ASB3: variants seen among roughly 807,000 people sequenced by gnomAD.
The protein encoded by ASB3 is ankyrin repeat and SOCS box containing 3.
Under a neutral mutation model 54.5 loss-of-function variants are expected in ASB3, and 41 were observed. The observed-to-expected ratio is 0.75, with a 90% CI of 0.59 to 0.98. The LOEUF is 0.98. Ranked by LOEUF, ASB3 falls within the 50% of genes least tolerant of loss-of-function variation. The pLI is 0.00. For missense variants in ASB3, 733 were observed against 620.0 expected, an observed-to-expected ratio of 1.18 and a Z score of -1.94; for synonymous variants, 266 against 221.2, an observed-to-expected ratio of 1.20 and a Z score of -1.80.
chr2:53,780,828 T>C (rs1449751070), intron 1 of ASB3, among the ~76,000 whole-genome samples: 3 of 151,950 alleles, frequency 2.0e-5, no homozygotes, highest in Non-Finnish European at 4.4e-5. Context: ...GAAAGGCAAA[T>C]TACCAATTCA....
chr2:53,721,549 G>A (rs760577991), intron 5 of ASB3, among the ~76,000 whole-genome samples: 6 of 152,014 alleles, frequency 3.9e-5, no homozygotes, highest in Non-Finnish European at 8.8e-5. Context: ...CCAGCCTGGC[G>A]ATAGAGTGAG....
rs12989782 is a variant in ASB3, at chr2:53,719,410, C to T, written c.605-2667G>A. ...AATCAAAAACTTCCTAAATCCAAAGCGCATCAGCCTAAATGGCTAAGATCA... is the reference window on the plus strand; with the variant it reads ...AATCAAAAACTTCCTAAATCCAAAGTGCATCAGCCTAAATGGCTAAGATCA... On this transcript the variant is annotated intron_variant, in intron 5 of 9. Transcript: ENST00000263634. 1.3e-4 allele frequency among the ~76,000 whole-genome samples: 20 copies of T among 152,164 alleles called. 1 individual carries two copies. Among genetic ancestry groups the T allele is most frequent in the East Asian group, 5.8e-4 (3 of 5,188 alleles).
At chr2:53,761,465 C>A in intron 2 of ASB3, among the ~76,000 whole-genome samples, 1 of 152,076 alleles carries the variant, frequency 6.6e-6, no homozygotes, top group East Asian at 1.9e-4. Context: ...CTCTCTTGAA[C>A]TAGGACATGC....
chr2:53,779,969 A>C (rs1674553545), intron 1 of ASB3, among the ~76,000 whole-genome samples: 2 of 152,232 alleles, frequency 1.3e-5, no homozygotes, highest in South Asian at 4.1e-4. Flanking sequence ...GATAAGGCTT[A>C]AAAGATTACA....
At chr2:53,749,585 C>G (rs1672408926) in intron 3 of ASB3, among the ~76,000 whole-genome samples, 1 of 152,016 alleles carries the variant, frequency 6.6e-6, no homozygotes. Context: ...TGTATCACAT[C>G]TATTTAATCA....
Position 53,716,663 on chromosome 2 carries a change from C to G in ASB3, c.685G>C (p.Glu229Gln), listed in dbSNP as rs781510978. 3 of 1,614,128 alleles carry G rather than the reference C, an allele frequency of 1.9e-6. No homozygotes were observed. In the Admixed American group the frequency reaches 5.0e-5, roughly 27 times the overall value. The change falls in exon 6 of 10, where the codon GAG becomes CAG. Residue 229 changes from glutamate (E) to glutamine (Q), a missense_variant. Coordinates refer to ENST00000263634, the MANE Select transcript of ASB3 (RefSeq NM_016115.5). ...AAQEGHTKCV[E>Q]LLLSSGADPD... Reference sequence around the variant, plus strand: ...TCTGCCCCACTGGAGAGCAAAAGCTCCACACATTTTGTGTGTCCCTCTTGA... The same window carrying G: ...TCTGCCCCACTGGAGAGCAAAAGCTGCACACATTTTGTGTGTCCCTCTTGA...
intron 1 of ASB3, among the ~76,000 whole-genome samples, chr2:53,766,047 G>C (rs1223347204): frequency 6.6e-6 from 1 of 152,060 alleles, no homozygotes; most frequent in Non-Finnish European, 1.5e-5. Flanking sequence ...CCCTCTATAG[G>C]AAACAACTAA....
At chr2:53,678,964 C>T (rs1668225900) in intron 9 of ASB3, among the ~76,000 whole-genome samples, 1 of 152,088 alleles carries the variant, frequency 6.6e-6, no homozygotes, top group Admixed American at 6.5e-5. Context: ...TCTATTCTTC[C>T]AGAGTTTGCT....
At chr2:53,780,149 G>A (rs539593513) in intron 1 of ASB3, among the ~76,000 whole-genome samples, 95 of 152,262 alleles carry the variant, frequency 6.2e-4, no homozygotes, top group African/African-American at 2.0e-3. Flanking sequence ...ACTGAGGTCA[G>A]TAATCAAAAT....
At chr2:53,687,464 G>C (rs1056971443) in intron 9 of ASB3, among the ~76,000 whole-genome samples, 2 of 152,210 alleles carry the variant, frequency 1.3e-5, no homozygotes, top group Admixed American at 1.3e-4. Context: ...TACTGATTGA[G>C]ATCTTAGTAA....
chr2:53,686,259 T>G (rs1017741098), intron 9 of ASB3, among the ~76,000 whole-genome samples: 4 of 152,164 alleles, frequency 2.6e-5, no homozygotes, highest in African/African-American at 9.7e-5. Flanking sequence ...GGTTCTAAAT[T>G]CTGTAATTCA....
At chr2:53,737,648 G>C (rs1260249437) in intron 3 of ASB3, among the ~76,000 whole-genome samples, 2 of 151,420 alleles carry the variant, frequency 1.3e-5, no homozygotes, top group South Asian at 2.1e-4. Context: ...ATCAATCCTG[G>C]GTACTTGTGA....
At chr2:53,753,786 C>T (rs1672664217) in intron 2 of ASB3, among the ~76,000 whole-genome samples, 1 of 151,756 alleles carries the variant, frequency 6.6e-6, no homozygotes, top group Non-Finnish European at 1.5e-5. Context: ...ATAGGCGCAC[C>T]ACCACACCTG....
intron 1 of ASB3, among the ~76,000 whole-genome samples, chr2:53,781,429 G>C (rs1165841041): frequency 6.7e-6 from 1 of 150,146 alleles, no homozygotes; most frequent in African/African-American, 2.4e-5. Flanking sequence ...AAAAAAAAAA[G>C]TGAGAGATGG....
Position 53,772,529 on chromosome 2 carries a change from C to T in ASB3, c.-13-6944G>A, listed in dbSNP as rs114678604. Among the ~76,000 whole-genome samples the T allele has an allele frequency of 4.4e-3, 671 of 152,082 alleles. 7 individuals are homozygous for T. Among genetic ancestry groups the T allele is most frequent in the African/African-American group, 0.016 (643 of 41,466 alleles). On this transcript the variant is annotated intron_variant, in intron 1 of 9. Coordinates refer to ENST00000263634, the MANE Select transcript of ASB3 (RefSeq NM_016115.5). ...CTAAGAATTTTGTGGTCCCCTTTGA[C>T]ATTAACGGAAATACCTGCCCCCGAC...
intron 9 of ASB3, among the ~76,000 whole-genome samples, chr2:53,687,049 C>T (rs564196283): frequency 6.6e-6 from 1 of 152,278 alleles, no homozygotes; most frequent in African/African-American, 2.4e-5. Context: ...TACCAACAGA[C>T]ATGCTGATAA....
At chr2:53,763,899 T>C (rs1437772045) in intron 2 of ASB3, among the ~76,000 whole-genome samples, 1 of 152,212 alleles carries the variant, frequency 6.6e-6, no homozygotes, top group African/African-American at 2.4e-5. Flanking sequence ...TCCACTATCT[T>C]CAAACACTCA....
chr2:53,681,318 C>T (rs963505413), intron 9 of ASB3, among the ~76,000 whole-genome samples: 1 of 152,140 alleles, frequency 6.6e-6, no homozygotes, highest in African/African-American at 2.4e-5. Flanking sequence ...TTCTGTGGGC[C>T]GTCTCTTCTC....
At chr2:53,714,707 G>A in intron 6 of ASB3, 126 bp from the exon 7 acceptor site, 1 of 924,640 alleles carries the variant, frequency 1.1e-6, no homozygotes, top group Non-Finnish European at 1.6e-6. Context: ...TTCTGTCTAG[G>A]GTGTACCTTC....
Sources: gnomAD v4.1 joint callset for allele counts (sites outside exome capture counted in the v4.1 genomes callset) on GRCh38, gnomAD v4.1.1 for gene constraint, MANE v1.5 for transcripts, NCBI Gene and HGNC (gene_info 2026-07-23, HGNC 2026-07-21) for gene names.